The following CFAP92 variants were observed in gnomAD, a reference collection of about 807,000 sequenced individuals.
CFAP92 encodes cilia and flagella associated protein 92 (putative).
In CFAP92, 86 loss-of-function variants were observed where a neutral mutation model predicts 106.3. The observed-to-expected ratio is 0.81, with a 90% CI of 0.68 to 0.97. The LOEUF (loss-of-function observed/expected upper bound fraction) is 0.97, where lower values mean the gene tolerates loss of function less well. CFAP92 is among the 50% of genes least tolerant of loss of function. The pLI, the probability that CFAP92 is intolerant of heterozygous loss-of-function variation, is 0.00. For synonymous variants in CFAP92, 477 were observed against 506.4 expected (o/e 0.94, Z 0.78); for missense variants, 1,204 against 1,283.8 (o/e 0.94, Z 0.95).
Position 128,945,878 on chromosome 3 carries a change from T to G in CFAP92, c.1451A>C (p.Asp484Ala). The G allele has an allele frequency of 6.8e-7, 1 of 1,474,596 alleles. No homozygotes were observed. The highest frequency in any genetic ancestry group is 8.9e-7 in the Non-Finnish European group (1 of 1,121,264). 91.3% of individuals were successfully genotyped at this position (1,474,596 alleles called of 1,614,324 possible). A position where few individuals can be genotyped will look rare whatever the true frequency, so the allele number is the denominator to read the frequency against. Residue 484 changes from aspartate to alanine, a missense_variant, in exon 10 of 16, where the codon GAC becomes GCC. Physicochemically the swap from Asp to Ala is moderately radical, Grantham distance 126 (BLOSUM62 -2). Transcript: ENST00000645291. ...EPHGTHVYFQ[D>A]INVIFLGALH... ...TGCCCCAAGGAAGATGACGTTGATG[T>G]CCTGGAAATAAACGTGGGTTCCATG...
the CFAP92 span, among the ~76,000 whole-genome samples, chr3:129,025,160 G>C: frequency 4.6e-4 from 70 of 152,308 alleles, no homozygotes; most frequent in Middle Eastern, 6.8e-3. Flanking sequence ...AGAGGCCAGA[G>C]CTGGAGATAA....
chr3:128,965,836 G>C, intron 8 of CFAP92, 141 bp from the exon 9 acceptor site: 1 of 393,830 alleles, frequency 2.5e-6, no homozygotes, highest in Non-Finnish European at 4.5e-6. Context: ...AAAAAGAAAA[G>C]AAAGAATTGG....
chr3:128,939,208 G>A (rs62265301), intron 10 of CFAP92, among the ~76,000 whole-genome samples: 4,367 of 152,078 alleles, frequency 0.029, 108 homozygotes, highest in South Asian at 0.11. Context: ...GCGCGATCTC[G>A]GCTCACTACA....
intron 9 of CFAP92, among the ~76,000 whole-genome samples, chr3:128,949,252 T>C (rs1940555713): frequency 6.6e-6 from 1 of 152,224 alleles, no homozygotes; most frequent in Non-Finnish European, 1.5e-5. Context: ...TATAAAAACA[T>C]GTGTACACTG....
intron 9 of CFAP92, among the ~76,000 whole-genome samples, chr3:128,962,562 T>C (rs1363309543): frequency 6.6e-6 from 1 of 152,000 alleles, no homozygotes; most frequent in Non-Finnish European, 1.5e-5. Context: ...CTCCTTTGCG[T>C]CCTCCTCTTG....
the CFAP92 span, among the ~76,000 whole-genome samples, chr3:129,021,793 ATTGT>A: frequency 3.9e-5 from 6 of 152,146 alleles, no homozygotes; most frequent in African/African-American, 1.4e-4. Context: ...TGAAAATTTC[ATTGT>A]TTGTGAGTAT....
At chr3:128,913,690 G>C (rs1159621462) in intron 15 of CFAP92, among the ~76,000 whole-genome samples, 1 of 152,192 alleles carries the variant, frequency 6.6e-6, no homozygotes, top group East Asian at 1.9e-4. Context: ...CTGGCTGAGT[G>C]GGGCTGGCCT....
At chr3:128,953,231 C>T (rs1283326193) in intron 9 of CFAP92, among the ~76,000 whole-genome samples, 3 of 151,084 alleles carry the variant, frequency 2.0e-5, no homozygotes, top group Admixed American at 6.6e-5. Context: ...AATACCCAAT[C>T]TGGGCCGGGC....
intron 12 of CFAP92, among the ~76,000 whole-genome samples, chr3:128,918,632 TAG>T (rs1381446662): frequency 1.3e-5 from 2 of 152,202 alleles, no homozygotes; most frequent in Non-Finnish European, 2.9e-5. Flanking sequence ...ATTGAAATTC[TAG>T]AGACTATAAA....
At chr3:128,922,127 C>T (rs1230410003) in intron 12 of CFAP92, among the ~76,000 whole-genome samples, 3 of 152,004 alleles carry the variant, frequency 2.0e-5, no homozygotes, top group Non-Finnish European at 4.4e-5. Context: ...ATCACGAGGT[C>T]AGGAGATCGA....
At chr3:129,000,679 C>G (rs1385133284) in intron 1 of CFAP92, among the ~76,000 whole-genome samples, 2 of 152,206 alleles carry the variant, frequency 1.3e-5, no homozygotes, top group Non-Finnish European at 2.9e-5. Flanking sequence ...TTCTAAAACA[C>G]CAGAAAAAAA....
the CFAP92 span, among the ~76,000 whole-genome samples, chr3:129,020,119 G>A: frequency 2.0e-5 from 3 of 152,146 alleles, no homozygotes; most frequent in African/African-American, 7.2e-5. Context: ...ATTGGACGAT[G>A]CAGGCCAGAT....
At chr3:128,913,617 AT>A (rs1936577732) in intron 15 of CFAP92, among the ~76,000 whole-genome samples, 1 of 152,116 alleles carries the variant, frequency 6.6e-6, no homozygotes, top group East Asian at 1.9e-4. Context: ...CTCCAAGTAT[AT>A]TCCCAATTTA....
intron 9 of CFAP92, among the ~76,000 whole-genome samples, chr3:128,953,103 T>C (rs1040509248): frequency 1.2e-4 from 18 of 151,390 alleles, no homozygotes; most frequent in African/African-American, 3.6e-4. Flanking sequence ...AAAATGGAAA[T>C]CTTAGAACTG....
chr3:128,968,329 AC>A (rs1553755001), intron 8 of CFAP92: 1 of 152,242 alleles, frequency 6.6e-6, no homozygotes, highest in Non-Finnish European at 1.5e-5. Flanking sequence ...TTACTAGCCA[AC>A]CAATATTTAC....
chr3:128,927,625 G>A (rs1937824552), intron 12 of CFAP92, among the ~76,000 whole-genome samples: 1 of 151,722 alleles, frequency 6.6e-6, no homozygotes, highest in Non-Finnish European at 1.5e-5. Flanking sequence ...TCAGGAAGCT[G>A]AGGCAGGAGA....
intron 9 of CFAP92, among the ~76,000 whole-genome samples, chr3:128,953,855 C>T (rs1941104635): frequency 8.2e-6 from 1 of 122,294 alleles, no homozygotes; most frequent in South Asian, 2.6e-4. Context: ...GATCCGCCAC[C>T]CTCGGCCTCC....
Position 128,950,588 on chromosome 3 carries a change from G to A in CFAP92, c.1354-4613C>T, listed in dbSNP as rs1199914407. Among the ~76,000 whole-genome samples the A allele has an allele frequency of 3.3e-5, 5 of 152,296 alleles. No individual in the cohort carries two copies. The East Asian group carries it at 7.7e-4, about 23-fold the overall frequency. On this transcript the variant is annotated intron_variant, in intron 9 of 15. Transcript: ENST00000645291. ...TCACAGAACTCAGCATGGGTGCAGC[G>A]CACTTGTGTCTGTGATTTATTACAG...
At chr3:128,976,858 T>C (rs1943189622) in intron 6 of CFAP92, 121 bp downstream of exon 6, 1 of 756,686 alleles carries the variant, frequency 1.3e-6, no homozygotes, top group South Asian at 1.5e-5. Context: ...TAGCTTAAGT[T>C]AGCCTGGATT....
Sources: gnomAD v4.1 joint callset for allele counts (sites outside exome capture counted in the v4.1 genomes callset) on GRCh38, gnomAD v4.1.1 for gene constraint, MANE v1.5 for transcripts, NCBI Gene and HGNC (gene_info 2026-07-23, HGNC 2026-07-21) for gene names.